The following FRMD4B variants were observed in gnomAD, a reference collection of about 807,000 sequenced individuals.
The protein encoded by FRMD4B is FERM domain-containing protein 4B.
Under a neutral mutation model 141.5 loss-of-function variants are expected in FRMD4B, and 74 were observed. That is an observed-to-expected ratio of 0.52 (90% CI 0.43 to 0.63). The LOEUF (loss-of-function observed/expected upper bound fraction) is 0.63. FRMD4B is among the 30% of genes least tolerant of loss of function. FRMD4B has a pLI of 0.00. For synonymous variants in FRMD4B, 506 were observed against 467.9 expected (o/e 1.08, Z -1.05); for missense variants, 1,366 against 1,253.4 (o/e 1.09, Z -1.36).
intron 1 of FRMD4B, among the ~76,000 whole-genome samples, chr3:69,365,646 G>A (rs1022117287): frequency 2.0e-5 from 3 of 151,860 alleles, no homozygotes; most frequent in Admixed American, 6.6e-5. Flanking sequence ...GATTACATGC[G>A]CACTTCACCA....
At chr3:69,411,997 A>G (rs865958280) in intron 2 of FRMD4B, among the ~76,000 whole-genome samples, 2 of 152,254 alleles carry the variant, frequency 1.3e-5, no homozygotes, top group African/African-American at 2.4e-5. Context: ...TTCTTTCTAG[A>G]TGACAGTAAA....
chr3:69,251,756 C>A (rs752544505), intron 5 of FRMD4B, among the ~76,000 whole-genome samples: 9 of 152,330 alleles, frequency 5.9e-5, no homozygotes, highest in Middle Eastern at 3.4e-3. Flanking sequence ...AATCAACTGC[C>A]CTCTGCCTTT....
intron 11 of FRMD4B, among the ~76,000 whole-genome samples, chr3:69,205,088 A>G (rs2093011575): frequency 6.6e-6 from 1 of 150,970 alleles, no homozygotes; most frequent in South Asian, 2.1e-4. Flanking sequence ...AAAGAGAAAA[A>G]AAGAGTAATT....
intron 7 of FRMD4B, among the ~76,000 whole-genome samples, chr3:69,233,280 G>A (rs548415190): frequency 1.3e-5 from 2 of 151,984 alleles, no homozygotes; most frequent in Admixed American, 6.6e-5. Context: ...CCAGGAGTTC[G>A]AGACCAGCCT....
chr3:69,191,611 A>G (rs970563183), intron 17 of FRMD4B, among the ~76,000 whole-genome samples: 3 of 152,184 alleles, frequency 2.0e-5, no homozygotes, highest in African/African-American at 4.8e-5. Context: ...CCAATCTCTA[A>G]TGTTAATCTG....
chr3:69,469,432 TAA>T (rs1705851072), intron 1 of FRMD4B, among the ~76,000 whole-genome samples: 1 of 152,192 alleles, frequency 6.6e-6, no homozygotes, highest in Non-Finnish European at 1.5e-5. Context: ...TAGATATAGG[TAA>T]AACTACACAT....
chr3:69,207,794 G>A (rs2093037944), intron 11 of FRMD4B, among the ~76,000 whole-genome samples: 1 of 150,708 alleles, frequency 6.6e-6, no homozygotes, highest in Non-Finnish European at 1.5e-5. Context: ...GTGACAGAGT[G>A]AGACTCCGTC....
chr3:69,324,948 G>A (rs951634578), intron 1 of FRMD4B, among the ~76,000 whole-genome samples: 8 of 151,722 alleles, frequency 5.3e-5, no homozygotes, highest in African/African-American at 7.3e-5. Context: ...TTAGCCAGGC[G>A]TGTACCTGTA....
At chr3:69,452,267 G>A (rs1484503953) in intron 1 of FRMD4B, among the ~76,000 whole-genome samples, 1 of 152,266 alleles carries the variant, frequency 6.6e-6, no homozygotes, top group Non-Finnish European at 1.5e-5. Flanking sequence ...TGTAATAAGT[G>A]TGTATATACA....
chr3:69,197,052 G>T lies in FRMD4B; in HGVS notation c.954-14C>A. On this transcript the variant is annotated splice_polypyrimidine_tract_variant and intron_variant, in intron 12 of 22. Coordinates refer to ENST00000398540, the MANE Select transcript of FRMD4B (RefSeq NM_015123.3). ...GAAACTGAAATCCTGAAAGATTAAAGAAAGCACTCAAATAATTCCCCTCTG... is the reference window on the plus strand; with the variant it reads ...GAAACTGAAATCCTGAAAGATTAAATAAAGCACTCAAATAATTCCCCTCTG... The T allele has an allele frequency of 1.9e-6, 3 of 1,607,852 alleles. No individual in the cohort carries two copies. Among genetic ancestry groups the T allele is most frequent in the Non-Finnish European group, 2.6e-6 (3 of 1,175,198 alleles).
chr3:69,455,595 G>C (rs138331398), intron 1 of FRMD4B, among the ~76,000 whole-genome samples: 2 of 152,112 alleles, frequency 1.3e-5, no homozygotes, highest in Non-Finnish European at 2.9e-5. Flanking sequence ...ACAAACCCTG[G>C]ATGCACCATC....
chr3:69,379,277 A>C (rs1304607470), intron 1 of FRMD4B, among the ~76,000 whole-genome samples: 2 of 152,090 alleles, frequency 1.3e-5, no homozygotes. Context: ...TTTCTAAGTA[A>C]TTATATATAT....
At chr3:69,329,105 T>C (rs1246136386) in intron 1 of FRMD4B, among the ~76,000 whole-genome samples, 1 of 152,030 alleles carries the variant, frequency 6.6e-6, no homozygotes, top group South Asian at 2.1e-4. Context: ...AGCATACCAG[T>C]GGAGAAAGTG....
At chr3:69,450,168 C>T (rs1575806092) in intron 1 of FRMD4B, among the ~76,000 whole-genome samples, 1 of 152,168 alleles carries the variant, frequency 6.6e-6, no homozygotes, top group African/African-American at 2.4e-5. Flanking sequence ...TAATCATTAG[C>T]CATCATGATT....
intron 1 of FRMD4B, among the ~76,000 whole-genome samples, chr3:69,355,031 A>G (rs1703272560): frequency 2.6e-5 from 4 of 152,284 alleles, no homozygotes; most frequent in Admixed American, 2.6e-4. Context: ...AAAAAGGAAA[A>G]AAAAAAAAGC....
intron 1 of FRMD4B, among the ~76,000 whole-genome samples, chr3:69,519,113 T>G (rs1366267167): frequency 6.6e-6 from 1 of 152,218 alleles, no homozygotes; most frequent in African/African-American, 2.4e-5. Flanking sequence ...ATTTCTTTGT[T>G]TGTTTTTAAC....
At chr3:69,535,309 C>T (rs1055141809) in intron 1 of FRMD4B, among the ~76,000 whole-genome samples, 18 of 152,192 alleles carry the variant, frequency 1.2e-4, no homozygotes, top group Admixed American at 2.6e-4. Context: ...GGCCAAGTGG[C>T]AACCTCACAA....
chr3:69,309,475 T>G (rs890612259), intron 3 of FRMD4B, among the ~76,000 whole-genome samples: 2 of 151,888 alleles, frequency 1.3e-5, no homozygotes, highest in Admixed American at 6.6e-5. Context: ...GGTCTCACTC[T>G]GTCGCCCAGG....
At position 69,330,277 on chromosome 3, in the gene FRMD4B, CTT is replaced by C. The variant is rs60162383; in HGVS notation, c.163-16762_163-16761del. Among the ~76,000 whole-genome samples the C allele has an allele frequency of 5.0e-4, 55 of 109,506 alleles. No individual in the cohort carries two copies. In the East Asian group the frequency reaches 5.5e-3, roughly 11 times the overall value. The allele number at this position is 109,506 out of a possible 152,430, so 71.8% of individuals were successfully genotyped here. Reference sequence around the variant, plus strand: ...ATTGGCAGCTGAGTGACTCCTTTGTCTTTTTTTTTTTTTAATATTATATATAT... The same window carrying C: ...ATTGGCAGCTGAGTGACTCCTTTGTCTTTTTTTTTTTAATATTATATATAT... On this transcript the variant is annotated intron_variant, in intron 1 of 22. Coordinates refer to ENST00000398540, the MANE Select transcript of FRMD4B (RefSeq NM_015123.3).
Sources: gnomAD v4.1 joint callset for allele counts (sites outside exome capture counted in the v4.1 genomes callset) on GRCh38, gnomAD v4.1.1 for gene constraint, MANE v1.5 for transcripts, NCBI Gene and HGNC (gene_info 2026-07-23, HGNC 2026-07-21) for gene names.